The following PKHD1L1 variants were observed in gnomAD, a reference collection of about 807,000 sequenced individuals.
PKHD1L1 encodes fibrocystin-L.
Under a neutral mutation model 462.9 loss-of-function variants are expected in PKHD1L1, and 434 were observed. The ratio of observed to expected loss-of-function variants is 0.94; its 90% confidence interval spans 0.87 to 1.02. The LOEUF (loss-of-function observed/expected upper bound fraction) is 1.02, where lower values mean the gene tolerates loss of function less well. PKHD1L1 is among the 50% of genes least tolerant of loss of function. The probability of loss-of-function intolerance (pLI) is 0.00; values close to 1 mark genes in which losing one functional copy is unlikely to be tolerated. For missense variants in PKHD1L1, 5,202 were observed against 5,096.1 expected, an observed-to-expected ratio of 1.02 and a Z score of -0.63; for synonymous variants, 1,781 against 1,750.0, an observed-to-expected ratio of 1.02 and a Z score of -0.44.
intron 45 of PKHD1L1, among the ~76,000 whole-genome samples, chr8:109,455,233 G>A (rs1816752710): frequency 6.6e-6 from 1 of 152,216 alleles, no homozygotes; most frequent in South Asian, 2.1e-4. Context: ...AGCTACTTAG[G>A]AGGCTGAGGC....
chr8:109,470,641 T>C (rs1432001456), intron 50 of PKHD1L1: 4 of 1,537,164 alleles, frequency 2.6e-6, no homozygotes, highest in East Asian at 2.3e-5. Flanking sequence ...CCAACTAGAA[T>C]TGAAAAGTTT....
rs970387028 is a variant in PKHD1L1 at position 109,470,251 on chromosome 8, G to A, written c.8605+3482G>A. On this transcript the variant is annotated intron_variant, in intron 50 of 77. Transcript: ENST00000378402. ...TTGTTGGAAATACTCAGATCATCATGAAAACAAATACTGTGATCTGGAGTG... is the reference window on the plus strand; with the variant it reads ...TTGTTGGAAATACTCAGATCATCATAAAAACAAATACTGTGATCTGGAGTG... 6 of 1,386,948 alleles carry A rather than the reference G, an allele frequency of 4.3e-6. No homozygotes were observed. In the African/African-American group the frequency reaches 8.6e-5, roughly 20 times the overall value. The allele number at this position is 1,386,948 out of a possible 1,614,324, so 85.9% of individuals were successfully genotyped here.
At chr8:109,458,364 C>G (rs1240416520) in intron 46 of PKHD1L1, among the ~76,000 whole-genome samples, 1 of 151,918 alleles carries the variant, frequency 6.6e-6, no homozygotes, top group Non-Finnish European at 1.5e-5. Context: ...GGGCTCCATT[C>G]CACTTTCTTC....
In PKHD1L1 at chr8:109,364,645, G is replaced by GAT; in HGVS notation, c.163+9_163+10insAT. On this transcript the variant is annotated intron_variant, in intron 2 of 77. Coordinates refer to ENST00000378402, the MANE Select transcript of PKHD1L1 (RefSeq NM_177531.6). ...GACTATAAGAGGGGAAGGTATCGTT[G>GAT]CTTTTTTTTTTTTTTTTTTGCCAAG... The GAT allele has an allele frequency of 3.3e-6, 4 of 1,201,092 alleles. No individual in the cohort carries two copies. The highest frequency in any genetic ancestry group is 4.4e-6 in the Non-Finnish European group (4 of 914,118). 74.4% of individuals were successfully genotyped at this position (1,201,092 alleles called of 1,614,324 possible). A position where few individuals can be genotyped will look rare whatever the true frequency, so the allele number is the denominator to read the frequency against.
Position 109,480,060 on chromosome 8 carries a change from T to A in PKHD1L1, c.9248T>A (p.Leu3083Gln). ...ERLIIWGVLE[L>Q]EDKYNVGAAE... Reference sequence around the variant, plus strand: ...CTCATTATTTGGGGGGTTCTAGAACTGGAAGATAAATACAATGTAGGAGCT... The same window carrying A: ...CTCATTATTTGGGGGGTTCTAGAACAGGAAGATAAATACAATGTAGGAGCT... Residue 3083 changes from leucine to glutamine, a missense_variant, in exon 55 of 78, where the codon CTG becomes CAG. Around this residue, in one of 3 missense-constraint regions of PKHD1L1, gnomAD observed 4,497 missense variants for 4,336.8 expected, o/e 1.04. Transcript: ENST00000378402. 6.3e-7 allele frequency: 1 copy of A among 1,591,536 alleles called. No individual in the cohort carries two copies. The highest frequency in any genetic ancestry group is 8.6e-7 in the Non-Finnish European group (1 of 1,169,282).
At chr8:109,508,797 C>A (rs895635608) in intron 70 of PKHD1L1, among the ~76,000 whole-genome samples, 1 of 152,092 alleles carries the variant, frequency 6.6e-6, no homozygotes. Context: ...TGGTCAAGCT[C>A]TAGCATCAGG....
chr8:109,403,335 G>C (rs1178853186), intron 14 of PKHD1L1, among the ~76,000 whole-genome samples: 1 of 152,002 alleles, frequency 6.6e-6, no homozygotes, highest in African/African-American at 2.4e-5. Flanking sequence ...TATCTTTTTG[G>C]TCACCTTATT....
intron 14 of PKHD1L1, 59 bp downstream of exon 14, chr8:109,401,647 T>C: frequency 4.9e-6 from 4 of 814,324 alleles, no homozygotes; most frequent in Non-Finnish European, 7.5e-6. Flanking sequence ...TAAGTTTATA[T>C]TTTAAAATAT....
In PKHD1L1 at chr8:109,405,033, T is replaced by G; in HGVS notation, c.1572T>G (p.Ile524Met). Reference sequence around the variant, plus strand: ...AAAACTGGGAAACAACTAATGCAATTAATGAGGTTCAGAAGATCAAGGTAA... The same window carrying G: ...AAAACTGGGAAACAACTAATGCAATGAATGAGGTTCAGAAGATCAAGGTAA... ...TLENWETTNA[I>M]NEVQKIKVTS... Residue 524 changes from isoleucine (I) to methionine (M), a missense_variant, in exon 16 of 78, where the codon ATT becomes ATG. Ile to Met is a conservative substitution (Grantham distance 10). Coordinates refer to ENST00000378402, the MANE Select transcript of PKHD1L1 (RefSeq NM_177531.6). The G allele has an allele frequency of 6.5e-7, 1 of 1,530,486 alleles. No homozygotes were observed. Among genetic ancestry groups the G allele is most frequent in the Non-Finnish European group, 8.8e-7 (1 of 1,132,342 alleles). The allele number at this position is 1,530,486 out of a possible 1,614,324, so 94.8% of individuals were successfully genotyped here. A position where few individuals can be genotyped will look rare whatever the true frequency, so the allele number is the denominator to read the frequency against.
intron 19 of PKHD1L1, among the ~76,000 whole-genome samples, chr8:109,410,206 G>C (rs1264407477): frequency 6.6e-6 from 1 of 152,166 alleles, no homozygotes; most frequent in Non-Finnish European, 1.5e-5. Flanking sequence ...GAATTTTCTT[G>C]CTAGAAAGTA....
intron 50 of PKHD1L1, chr8:109,470,430 C>A: frequency 6.3e-7 from 1 of 1,596,598 alleles, no homozygotes; most frequent in Non-Finnish European, 8.6e-7. Context: ...ATAAGAAAGG[C>A]AAATCAAAAT....
chr8:109,441,047 T>C (rs924176686), intron 33 of PKHD1L1, among the ~76,000 whole-genome samples, 195 bp downstream of exon 33: 2 of 152,136 alleles, frequency 1.3e-5, no homozygotes, highest in Non-Finnish European at 2.9e-5. Context: ...ATAATTACTG[T>C]GTATTTAATG....
At chr8:109,430,442 GT>G (rs1366075225) in intron 27 of PKHD1L1, among the ~76,000 whole-genome samples, 1 of 152,150 alleles carries the variant, frequency 6.6e-6, no homozygotes, top group Non-Finnish European at 1.5e-5. Flanking sequence ...TAAAAGGCTA[GT>G]AACAAGACAT....
intron 37 of PKHD1L1, 31 bp downstream of exon 37, chr8:109,443,933 T>C: frequency 6.7e-7 from 1 of 1,498,750 alleles, no homozygotes; most frequent in Non-Finnish European, 9.2e-7. Flanking sequence ...TTTGTACTTC[T>C]ATTATATGTT....
intron 58 of PKHD1L1, 100 bp from the exon 59 acceptor site, chr8:109,486,548 T>C: frequency 1.9e-6 from 2 of 1,043,674 alleles, no homozygotes; most frequent in Non-Finnish European, 2.7e-6. Context: ...TGTTCATTTT[T>C]GGCTTATTAG....
chr8:109,386,942 G>C (rs977934713), intron 6 of PKHD1L1, among the ~76,000 whole-genome samples: 1 of 152,064 alleles, frequency 6.6e-6, no homozygotes, highest in Non-Finnish European at 1.5e-5. Flanking sequence ...ATTAGAGGTC[G>C]GGCTACCTAA....
chr8:109,476,697 T>C, intron 52 of PKHD1L1, 30 bp downstream of exon 52: 4 of 1,553,000 alleles, frequency 2.6e-6, no homozygotes, highest in Non-Finnish European at 2.6e-6. Flanking sequence ...AATGATAGTT[T>C]ATCTAATGCT....
chr8:109,429,570 T>C, intron 26 of PKHD1L1, 108 bp downstream of exon 26: 1 of 1,049,536 alleles, frequency 9.5e-7, no homozygotes, highest in Non-Finnish European at 1.4e-6. Flanking sequence ...CTGTATTTCA[T>C]GGGAACATTT....
At chr8:109,415,862 G>GTAT in intron 21 of PKHD1L1, among the ~76,000 whole-genome samples, 3 of 83,914 alleles carry the variant, frequency 3.6e-5, no homozygotes, top group African/African-American at 1.8e-4. Flanking sequence ...AAAAAAAAAA[G>GTAT]GGGTGTGTGT....
Sources: allele counts gnomAD v4.1 joint callset (sites outside exome capture counted in the v4.1 genomes callset), GRCh38; gene constraint gnomAD v4.1.1; regional missense constraint gnomAD v4.1.1; transcripts MANE v1.5; gene names NCBI Gene and HGNC (gene_info 2026-07-23, HGNC 2026-07-21).